PTPN23: variants seen among roughly 807,000 people sequenced by gnomAD.
PTPN23 encodes tyrosine-protein phosphatase non-receptor type 23.
Under a neutral mutation model 156.3 loss-of-function variants are expected in PTPN23, and 72 were observed. That is an observed-to-expected ratio of 0.46 (90% confidence interval 0.38 to 0.56). The LOEUF (loss-of-function observed/expected upper bound fraction) is 0.56, where lower values mean the gene tolerates loss of function less well. Among genes scored for constraint, PTPN23 ranks in the 20% least tolerant of loss-of-function variants. PTPN23 has a pLI of 0.00. For synonymous variants in PTPN23, 957 were observed against 899.6 expected, an observed-to-expected ratio of 1.06 and a Z score of -1.14; for missense variants, 1,974 against 2,171.5, an observed-to-expected ratio of 0.91 and a Z score of 1.81.
intron 2 of PTPN23, among the ~76,000 whole-genome samples, chr3:47,401,969 C>A (rs1398425106): frequency 6.6e-6 from 1 of 152,158 alleles, no homozygotes; most frequent in Non-Finnish European, 1.5e-5. Flanking sequence ...CAGAGCCGAG[C>A]TCCCAGAGTG....
chr3:47,407,820 A>G lies in PTPN23; in HGVS notation c.1118+9A>G. 1 of 1,613,942 alleles carries G rather than the reference A, an allele frequency of 6.2e-7. No individual in the cohort carries two copies. The highest frequency in any genetic ancestry group is 1.1e-5 in the South Asian group (1 of 91,076). On this transcript the variant is annotated intron_variant, in intron 13 of 24. Transcript: ENST00000265562. The surrounding 1 kb of genome is among the most constrained non-coding windows in gnomAD (Gnocchi z 4.0). ...GCCTCGTCACTGTACAGGTGGGTGG[A>G]GGGTGGCACAGAGGGAGGTGGGGTG...
At position 47,410,242 on chromosome 3, in the gene PTPN23, T is replaced by A; in HGVS notation, c.2444T>A (p.Val815Glu). The A allele has an allele frequency of 6.2e-7, 1 of 1,611,166 alleles. No homozygotes were observed. Among genetic ancestry groups the A allele is most frequent in the Non-Finnish European group, 8.5e-7 (1 of 1,178,742 alleles). Reference sequence around the variant, plus strand: ...GCCCCAGGGCCCCATGCAATGCCCGTAGCACCTGGGCCTGCCCTCTACCCA... The same window carrying A: ...GCCCCAGGGCCCCATGCAATGCCCGAAGCACCTGGGCCTGCCCTCTACCCA... ...PRAPGPHAMP[V>E]APGPALYPAP... Residue 815 changes from valine (V) to glutamate (E), a missense_variant, in exon 20 of 25, where the codon GTA becomes GAA. Transcript: ENST00000265562.
chr3:47,402,208 T>C (rs780326624), intron 2 of PTPN23, among the ~76,000 whole-genome samples: 17 of 152,236 alleles, frequency 1.1e-4, no homozygotes, highest in Non-Finnish European at 1.8e-4. Context: ...AAATGTTTAA[T>C]ATAAATACAT....
At chr3:47,381,695 G>C (rs549510318) in intron 1 of PTPN23, among the ~76,000 whole-genome samples, 2 of 152,190 alleles carry the variant, frequency 1.3e-5, no homozygotes, top group African/African-American at 4.8e-5. Flanking sequence ...CTGCGGTGAG[G>C]GTTTGTTTTA....
chr3:47,405,880 G>A lies in PTPN23; in HGVS notation c.415-35G>A. On this transcript the variant is annotated intron_variant, in intron 5 of 24. Transcript: ENST00000265562. The surrounding 1 kb of genome is among the most constrained non-coding windows in gnomAD (Gnocchi z 4.7). ...AAGTATGGATGAATCCTGACCCATGGAGTGGACACAGGCCATCCTCCCACT... is the reference window on the plus strand; with the variant it reads ...AAGTATGGATGAATCCTGACCCATGAAGTGGACACAGGCCATCCTCCCACT... 1 of 1,609,826 alleles carries A rather than the reference G, an allele frequency of 6.2e-7. No individual in the cohort carries two copies. Among genetic ancestry groups the A allele is most frequent in the African/African-American group, 1.3e-5 (1 of 74,988 alleles).
chr3:47,399,558 C>A (rs1473167295), intron 2 of PTPN23, among the ~76,000 whole-genome samples: 1 of 152,188 alleles, frequency 6.6e-6, no homozygotes, highest in African/African-American at 2.4e-5. Flanking sequence ...AAGGACGCAA[C>A]ACACCCTAGA....
In PTPN23 at chr3:47,413,408, T is replaced by C. The variant is rs1705385008; in HGVS notation, c.*223T>C. On this transcript the variant is annotated 3_prime_UTR_variant, in exon 25 of 25. Coordinates refer to ENST00000265562, the MANE Select transcript of PTPN23 (RefSeq NM_015466.4). ...CCCGACATTTTTCAGCTCTTTGCTA[T>C]TGAAATAATAAACCACCCTGTTCTG... The C allele has an allele frequency of 6.6e-6, 4 of 610,422 alleles. No homozygotes were observed. The highest frequency in any genetic ancestry group is 2.5e-5 in the South Asian group (1 of 40,226). The allele number at this position is 610,422 out of a possible 1,614,324, so 37.8% of individuals were successfully genotyped here.
At chr3:47,390,072 CAAAAAAAAAA>C (rs891612283) in intron 1 of PTPN23, among the ~76,000 whole-genome samples, 3 of 49,350 alleles carry the variant, frequency 6.1e-5, no homozygotes, top group Non-Finnish European at 1.3e-4. Flanking sequence ...GACTCCGTCT[CAAAAAAAAAA>C]AAAAAAAAAA....
At chr3:47,402,116 TTC>T (rs1225925396) in intron 2 of PTPN23, among the ~76,000 whole-genome samples, 1 of 152,166 alleles carries the variant, frequency 6.6e-6, no homozygotes, top group African/African-American at 2.4e-5. Flanking sequence ...TTGTTTGCTT[TTC>T]TGTTTGTTTA....
chr3:47,387,979 C>A (rs1704689249), intron 1 of PTPN23, among the ~76,000 whole-genome samples: 1 of 152,190 alleles, frequency 6.6e-6, no homozygotes, highest in Admixed American at 6.5e-5. Flanking sequence ...ACAAAATTCT[C>A]TACTGTTTGG....
At chr3:47,394,048 T>C (rs1376617137) in intron 1 of PTPN23, among the ~76,000 whole-genome samples, 3 of 151,944 alleles carry the variant, frequency 2.0e-5, no homozygotes, top group Admixed American at 1.3e-4. Flanking sequence ...CCAACCTGTT[T>C]AATCATTTTT....
intron 1 of PTPN23, among the ~76,000 whole-genome samples, chr3:47,389,400 C>T: frequency 6.6e-6 from 1 of 151,854 alleles, no homozygotes; most frequent in East Asian, 1.9e-4. Flanking sequence ...AGCTGGAGGC[C>T]AGGAGTTCGA....
At chr3:47,403,156 C>T (rs1705037271) in intron 2 of PTPN23, among the ~76,000 whole-genome samples, 2 of 151,748 alleles carry the variant, frequency 1.3e-5, no homozygotes, top group Admixed American at 1.3e-4. Context: ...GGGTTCACGC[C>T]ATTCTCCTGC....
chr3:47,409,488 G>A lies in PTPN23; in HGVS notation c.1869G>A (p.Gln623=). The A allele has an allele frequency of 1.9e-6, 3 of 1,614,172 alleles. No individual in the cohort carries two copies. The highest frequency in any genetic ancestry group is 1.6e-4 in the Middle Eastern group (1 of 6,062). ...KVYLEQNLAA[Q]DRVLCALTEA... ...ACCTGGAGCAGAACCTGGCCGCCCA[G>A]GACCGTGTCCTCTGTGCACTGACAG... is the stretch of plus-strand genomic sequence containing the variant. The change falls in exon 18 of 25, where the codon CAG becomes CAA. Residue 623 remains glutamine (Q), a synonymous_variant. Transcript: ENST00000265562.
At chr3:47,404,108 A>G (rs1705063488) in intron 2 of PTPN23, among the ~76,000 whole-genome samples, 1 of 152,228 alleles carries the variant, frequency 6.6e-6, no homozygotes, top group Non-Finnish European at 1.5e-5. Context: ...AGTAGAGTAA[A>G]AAACTTAAAA....
chr3:47,386,909 C>T (rs540822669), intron 1 of PTPN23, among the ~76,000 whole-genome samples: 1 of 152,314 alleles, frequency 6.6e-6, no homozygotes, highest in South Asian at 2.1e-4. Flanking sequence ...CAGATTCTTT[C>T]CTTTACTCAG....
rs1238102156 is a variant in PTPN23, at chr3:47,408,494, A to T, written c.1330+4A>T. 3.7e-6 allele frequency: 6 copies of T among 1,607,292 alleles called. No homozygotes were observed. Among genetic ancestry groups the T allele is most frequent in the Admixed American group, 3.4e-5 (2 of 59,652 alleles). ...AACCTTGTACAGTCCATGCAAGGTG[A>T]GTAAGGGGCAGAGCAAGCAGGTGGA... On this transcript the variant is annotated splice_donor_region_variant and intron_variant, in intron 15 of 24. Transcript: ENST00000265562.
At chr3:47,390,828 G>A (rs1323002382) in intron 1 of PTPN23, among the ~76,000 whole-genome samples, 6 of 152,180 alleles carry the variant, frequency 3.9e-5, no homozygotes, top group Non-Finnish European at 8.8e-5. Flanking sequence ...GTTTTTCAGA[G>A]TTGTTTGTAA....
At position 47,400,741 on chromosome 3, in the gene PTPN23, A is replaced by G. The variant is rs887568201; in HGVS notation, c.160-3911A>G. 7.9e-4 allele frequency among the ~76,000 whole-genome samples: 119 copies of G among 150,402 alleles called. 1 individual carries two copies. Among genetic ancestry groups the G allele is most frequent in the African/African-American group, 2.7e-3 (112 of 40,846 alleles). On this transcript the variant is annotated intron_variant, in intron 2 of 24. Coordinates refer to ENST00000265562, the MANE Select transcript of PTPN23 (RefSeq NM_015466.4). Reference sequence around the variant, plus strand: ...GGCACTCGCCATCACGCCCAGCTATATTTTGTATTTTTAGTAGAGACAGGG... The same window carrying G: ...GGCACTCGCCATCACGCCCAGCTATGTTTTGTATTTTTAGTAGAGACAGGG...
Sources: gnomAD v4.1 joint callset for allele counts (sites outside exome capture counted in the v4.1 genomes callset) on GRCh38, gnomAD v4.1.1 for gene constraint, Gnocchi (gnomAD v3.1) non-coding constraint, MANE v1.5 for transcripts, NCBI Gene and HGNC (gene_info 2026-07-23, HGNC 2026-07-21) for gene names.